Variants in NAALADL2 observed in about 807,000 individuals in gnomAD.
NAALADL2 encodes the protein N-acetylated alpha-linked acidic dipeptidase like 2.
In NAALADL2, 76 loss-of-function variants were observed where a neutral mutation model predicts 87.2. The observed-to-expected ratio is 0.87, with a 90% confidence interval of 0.72 to 1.05. NAALADL2 has a LOEUF of 1.05. NAALADL2 is among the 50% of genes least tolerant of loss of function. The pLI is 0.00. For missense variants in NAALADL2, 1,089 were observed against 945.8 expected (o/e 1.15, Z -1.99); for synonymous variants, 354 against 331.0 (o/e 1.07, Z -0.75).
At chr3:174,558,119 T>C (rs1158320096) in intron 2 of NAALADL2, among the ~76,000 whole-genome samples, 1 of 152,178 alleles carries the variant, frequency 6.6e-6, no homozygotes, top group Non-Finnish European at 1.5e-5. Flanking sequence ...GCCCACTCCT[T>C]CAAGTTCTAA....
chr3:174,680,573 C>T (rs1727446014), intron 2 of NAALADL2, among the ~76,000 whole-genome samples: 1 of 152,180 alleles, frequency 6.6e-6, no homozygotes, highest in South Asian at 2.1e-4. Flanking sequence ...TATACTTTTA[C>T]AAATTACTTC....
chr3:175,046,274 G>A (rs961069743), intron 1 of NAALADL2, among the ~76,000 whole-genome samples: 5 of 152,078 alleles, frequency 3.3e-5, no homozygotes, highest in Non-Finnish European at 7.4e-5. Flanking sequence ...ATGGGCTTGA[G>A]ATGGTAAACT....
intron 1 of NAALADL2, among the ~76,000 whole-genome samples, chr3:174,953,443 A>C (rs1486646838): frequency 6.7e-6 from 1 of 149,958 alleles, no homozygotes; most frequent in Non-Finnish European, 1.5e-5. Flanking sequence ...ACAAAACAAA[A>C]TCCCTGCTCT....
chr3:175,718,526 C>G, intron 11 of NAALADL2: 2 of 1,590,618 alleles, frequency 1.3e-6, no homozygotes, highest in African/African-American at 1.3e-5. Flanking sequence ...CATCCCTGTC[C>G]ATCTTGTAAG....
rs186721950 is a variant in NAALADL2, at chr3:174,741,906, C to T, written c.-9+4160C>T. Among the ~76,000 whole-genome samples, 619 of 151,812 alleles carry T rather than the reference C, an allele frequency of 4.1e-3. 4 individuals are homozygous for T. The highest frequency in any genetic ancestry group is 0.014 in the African/African-American group (598 of 41,552). ...TGTAATATTTCATCTGCAAATATGA[C>T]ATATGGTCTCTTGTTAACTTACATG... On this transcript the variant is annotated intron_variant, in intron 3 of 3. Coordinates refer to the NAALADL2 transcript ENST00000434257.
chr3:175,540,994 A>G (rs539040517), intron 9 of NAALADL2, among the ~76,000 whole-genome samples: 1 of 152,340 alleles, frequency 6.6e-6, no homozygotes, highest in East Asian at 1.9e-4. Flanking sequence ...TATAAATGCC[A>G]TGAAGAAAAT....
At chr3:174,665,671 G>A (rs531726037) in intron 2 of NAALADL2, among the ~76,000 whole-genome samples, 17 of 152,266 alleles carry the variant, frequency 1.1e-4, no homozygotes, top group African/African-American at 3.9e-4. Context: ...ATATGCACAC[G>A]TGTGTTTTGT....
intron 1 of NAALADL2, among the ~76,000 whole-genome samples, chr3:174,999,446 C>A (rs1197274398): frequency 6.6e-6 from 1 of 152,056 alleles, no homozygotes; most frequent in Non-Finnish European, 1.5e-5. Flanking sequence ...TTTATTTGAA[C>A]TGTATTAGCT....
intron 2 of NAALADL2, among the ~76,000 whole-genome samples, chr3:174,624,753 T>C (rs1721386340): frequency 6.6e-6 from 1 of 152,192 alleles, no homozygotes; most frequent in South Asian, 2.1e-4. Flanking sequence ...ACCATTTTCA[T>C]TTGTAACTTT....
At position 174,657,075 on chromosome 3, in the gene NAALADL2, A is replaced by G. The variant is rs1725023969; in HGVS notation, c.-114-80566A>G. On this transcript the variant is annotated intron_variant, in intron 2 of 3. Transcript: ENST00000434257. ...TTTTTTTTTTTGCTCCGTTGCCTAGATTGGAGTTCAACGGTGTGATCTTTG... is the reference window on the plus strand; with the variant it reads ...TTTTTTTTTTTGCTCCGTTGCCTAGGTTGGAGTTCAACGGTGTGATCTTTG... 3.5e-5 allele frequency among the ~76,000 whole-genome samples: 4 copies of G among 115,388 alleles called. No individual in the cohort carries two copies. The South Asian group carries it at 1.0e-3, about 29-fold the overall frequency. 75.7% of individuals were successfully genotyped at this position (115,388 alleles called of 152,430 possible).
chr3:175,148,087 TAATGATA>T (rs1422299333), intron 2 of NAALADL2, among the ~76,000 whole-genome samples: 1 of 120,436 alleles, frequency 8.3e-6, no homozygotes, highest in Non-Finnish European at 1.7e-5. Flanking sequence ...ATAATAATGA[TAATGATA>T]ATAATAATAA....
chr3:174,699,108 T>C (rs1382694161), intron 2 of NAALADL2, among the ~76,000 whole-genome samples: 1 of 152,138 alleles, frequency 6.6e-6, no homozygotes, highest in Non-Finnish European at 1.5e-5. Context: ...CTGCAAATAT[T>C]TAGTACTCCA....
intron 1 of NAALADL2, among the ~76,000 whole-genome samples, chr3:174,998,390 T>C (rs1444947215): frequency 2.0e-5 from 3 of 152,192 alleles, no homozygotes; most frequent in Non-Finnish European, 4.4e-5. Context: ...TTTATTTGCC[T>C]TTTGGGCCAA....
In NAALADL2 at chr3:174,938,865, GTTGT is replaced by G. The variant is rs1167752708; in HGVS notation, c.43+79422_43+79425del. Among the ~76,000 whole-genome samples, 96 of 152,054 alleles carry G rather than the reference GTTGT, an allele frequency of 6.3e-4. No individual in the cohort carries two copies. In the Middle Eastern group the frequency reaches 0.01, roughly 16 times the overall value. On this transcript the variant is annotated intron_variant, in intron 1 of 13. Coordinates refer to ENST00000454872, the MANE Select transcript of NAALADL2 (RefSeq NM_207015.3). ...TATCCTTTGTCTACTTTTTAATGAGGTTGTTTGTTTTTCTCTTGTAAATTTGTTT... is the reference window on the plus strand; with the variant it reads ...TATCCTTTGTCTACTTTTTAATGAGGTTGTTTTTCTCTTGTAAATTTGTTT...
At chr3:175,633,801 A>G (rs1232640440) in intron 11 of NAALADL2, among the ~76,000 whole-genome samples, 2 of 151,666 alleles carry the variant, frequency 1.3e-5, no homozygotes, top group African/African-American at 4.8e-5. Flanking sequence ...AGGGCTTTCA[A>G]AAGATCCTGT....
At chr3:175,089,754 G>GA (rs1198974669) in intron 1 of NAALADL2, among the ~76,000 whole-genome samples, 3 of 151,656 alleles carry the variant, frequency 2.0e-5, no homozygotes, top group African/African-American at 7.3e-5. Context: ...AAAGATAACA[G>GA]AAAAAAAATA....
chr3:175,333,965 T>C (rs181329142), intron 5 of NAALADL2, among the ~76,000 whole-genome samples: 241 of 152,324 alleles, frequency 1.6e-3, no homozygotes, highest in African/African-American at 5.6e-3. Flanking sequence ...ATAAATATCA[T>C]GTATCATTAA....
chr3:174,680,418 G>A (rs972156934), intron 2 of NAALADL2, among the ~76,000 whole-genome samples: 13 of 152,162 alleles, frequency 8.5e-5, no homozygotes, highest in African/African-American at 2.9e-4. Flanking sequence ...GCATGTTGCA[G>A]TGTCTCTTGT....
At chr3:175,557,922 C>T (rs572601309) in intron 9 of NAALADL2, among the ~76,000 whole-genome samples, 30 of 152,128 alleles carry the variant, frequency 2.0e-4, no homozygotes, top group African/African-American at 6.0e-4. Flanking sequence ...GGGCCGGGCG[C>T]GGTGGCTCAC....
Sources: gnomAD v4.1 joint callset for allele counts (sites outside exome capture counted in the v4.1 genomes callset) on GRCh38, gnomAD v4.1.1 for gene constraint, MANE v1.5 for transcripts, NCBI Gene and HGNC (gene_info 2026-07-23, HGNC 2026-07-21) for gene names.